Variants in SAMD12 observed in about 807,000 individuals in gnomAD.
SAMD12 encodes the protein sterile alpha motif domain-containing protein 12.
Under a neutral mutation model 15.0 loss-of-function variants are expected in SAMD12, and 9 were observed. That is an observed-to-expected ratio of 0.60 (90% CI 0.36 to 1.05). The LOEUF (loss-of-function observed/expected upper bound fraction) is 1.05. SAMD12 is among the 50% of genes least tolerant of loss of function. The probability of loss-of-function intolerance (pLI) is 0.01; values close to 1 mark genes in which losing one functional copy is unlikely to be tolerated. For missense variants in SAMD12, 230 were observed against 234.2 expected (o/e 0.98, Z 0.12); for synonymous variants, 86 against 90.1 (o/e 0.96, Z 0.25).
intron 2 of SAMD12, among the ~76,000 whole-genome samples, chr8:118,494,681 C>T (rs1824554832): frequency 6.8e-6 from 1 of 146,720 alleles, no homozygotes; most frequent in South Asian, 2.2e-4. Flanking sequence ...CTTGATTCTT[C>T]CTAGTTTCTC....
At chr8:118,494,663 T>C (rs1586762216) in intron 2 of SAMD12, among the ~76,000 whole-genome samples, 1 of 151,890 alleles carries the variant, frequency 6.6e-6, no homozygotes, top group African/African-American at 2.4e-5. Flanking sequence ...TGATTAATCA[T>C]TAAATGTCTT....
intron 4 of SAMD12, among the ~76,000 whole-genome samples, chr8:118,309,784 G>C (rs911269349): frequency 2.0e-5 from 3 of 151,990 alleles, no homozygotes. Context: ...TTAGCTCCTG[G>C]GTCTCTGATG....
At chr8:118,315,437 G>C (rs1815844963) in intron 4 of SAMD12, among the ~76,000 whole-genome samples, 2 of 152,088 alleles carry the variant, frequency 1.3e-5, no homozygotes, top group South Asian at 2.1e-4. Flanking sequence ...GATTTTCCCA[G>C]GAGAGAGTGA....
chr8:118,543,631 C>CTTTCTTTTTTTTT (rs1826044882), intron 2 of SAMD12, among the ~76,000 whole-genome samples: 1 of 116,634 alleles, frequency 8.6e-6, no homozygotes, highest in African/African-American at 3.6e-5. Context: ...TTCTTTCTTT[C>CTTTCTTTTTTTTT]TTTTTTTTTT....
At chr8:118,597,659 A>T (rs1483410746) in intron 1 of SAMD12, among the ~76,000 whole-genome samples, 1 of 152,206 alleles carries the variant, frequency 6.6e-6, no homozygotes, top group Non-Finnish European at 1.5e-5. Flanking sequence ...AATAAACCAG[A>T]GTACACCAGG....
intron 3 of SAMD12, among the ~76,000 whole-genome samples, chr8:118,415,186 C>G (rs1184894637): frequency 6.6e-6 from 1 of 152,158 alleles, no homozygotes; most frequent in Non-Finnish European, 1.5e-5. Flanking sequence ...CTGAAAGGTT[C>G]CATCACCAGC....
At chr8:118,342,827 T>C (rs936858101) in intron 4 of SAMD12, among the ~76,000 whole-genome samples, 6 of 152,186 alleles carry the variant, frequency 3.9e-5, no homozygotes, top group Admixed American at 3.3e-4. Flanking sequence ...TTGCTGGTAT[T>C]CAATTACATC....
At chr8:118,608,968 C>A (rs1232047929) in intron 1 of SAMD12, among the ~76,000 whole-genome samples, 1 of 152,198 alleles carries the variant, frequency 6.6e-6, no homozygotes, top group Non-Finnish European at 1.5e-5. Flanking sequence ...CTGATATAAA[C>A]AGGAGTTATA....
intron 2 of SAMD12, among the ~76,000 whole-genome samples, chr8:118,549,757 G>A (rs186369939): frequency 2.0e-5 from 3 of 151,926 alleles, no homozygotes; most frequent in African/African-American, 7.3e-5. Flanking sequence ...TCAAACCAAA[G>A]GTAAAGAAGT....
intron 2 of SAMD12, among the ~76,000 whole-genome samples, chr8:118,472,581 G>A (rs779049193): frequency 3.9e-4 from 60 of 152,072 alleles, no homozygotes; most frequent in Non-Finnish European, 7.2e-4. Flanking sequence ...AGGCTGAGGT[G>A]GGAGGATCCC....
At chr8:118,585,121 G>A (rs1029461305) in intron 1 of SAMD12, among the ~76,000 whole-genome samples, 2 of 152,128 alleles carry the variant, frequency 1.3e-5, no homozygotes, top group African/African-American at 4.8e-5. Context: ...GCCTATAAAA[G>A]GAATGGCATT....
intron 4 of SAMD12, among the ~76,000 whole-genome samples, chr8:118,215,678 T>C (rs1046796280): frequency 6.7e-6 from 1 of 150,052 alleles, no homozygotes; most frequent in South Asian, 2.2e-4. Context: ...CGTGATCTCA[T>C]TGTTCAATTC....
At chr8:118,515,185 ATTTTTTTT>A (rs55864364) in intron 2 of SAMD12, among the ~76,000 whole-genome samples, 1 of 103,314 alleles carries the variant, frequency 9.7e-6, no homozygotes, top group Non-Finnish European at 1.8e-5. Context: ...CGCCCAGCTA[ATTTTTTTT>A]TTTTTTTTTT....
At chr8:118,448,027 C>A (rs1203574915) in intron 2 of SAMD12, among the ~76,000 whole-genome samples, 1 of 152,204 alleles carries the variant, frequency 6.6e-6, no homozygotes, top group African/African-American at 2.4e-5. Flanking sequence ...CGCGCCCAGC[C>A]TCTTTGATGT....
rs926233875 is a variant in SAMD12 at position 118,434,168 on chromosome 8, G to A, written c.322+5664C>T. ...CATATTCAGAACTGCCCAATTTCAA[G>A]GTGCTACATCTCAGCAGAATATTTT... On this transcript the variant is annotated intron_variant, in intron 3 of 3. Coordinates refer to ENST00000314727, the MANE Select transcript of SAMD12 (RefSeq NM_207506.3). Among the ~76,000 whole-genome samples, 46 of 152,206 alleles carry A rather than the reference G, an allele frequency of 3.0e-4. 1 individual carries two copies. The South Asian group carries it at 3.5e-3, about 12-fold the overall frequency.
intron 4 of SAMD12, among the ~76,000 whole-genome samples, chr8:118,235,349 T>A (rs1192796439): frequency 6.6e-6 from 1 of 152,136 alleles, no homozygotes; most frequent in South Asian, 2.1e-4. Flanking sequence ...TAACTGGGAC[T>A]ACAGGCATGT....
At chr8:118,338,833 T>A (rs1055822823) in intron 4 of SAMD12, among the ~76,000 whole-genome samples, 3 of 152,212 alleles carry the variant, frequency 2.0e-5, no homozygotes, top group African/African-American at 7.2e-5. Context: ...CATGTTTTTG[T>A]TATTTAACAT....
At chr8:118,552,649 C>T (rs931754665) in intron 2 of SAMD12, among the ~76,000 whole-genome samples, 5 of 152,186 alleles carry the variant, frequency 3.3e-5, no homozygotes, top group African/African-American at 1.2e-4. Flanking sequence ...CTCACCACTC[C>T]TATTCAATGT....
At chr8:118,496,114 T>C (rs1241946258) in intron 2 of SAMD12, among the ~76,000 whole-genome samples, 1 of 152,136 alleles carries the variant, frequency 6.6e-6, no homozygotes, top group Non-Finnish European at 1.5e-5. Context: ...GAATAATCTA[T>C]ATATTAAAAT....
Sources: gnomAD v4.1 joint callset for allele counts (sites outside exome capture counted in the v4.1 genomes callset) on GRCh38, gnomAD v4.1.1 for gene constraint, MANE v1.5 for transcripts, NCBI Gene and HGNC (gene_info 2026-07-23, HGNC 2026-07-21) for gene names.